The following CDH23 variants were observed in gnomAD, a reference collection of about 807,000 sequenced individuals.
CDH23 encodes cadherin related 23.
Under a neutral mutation model 317.1 loss-of-function variants are expected in CDH23, and 189 were observed. The observed-to-expected ratio is 0.60, with a 90% CI of 0.53 to 0.67. The LOEUF (loss-of-function observed/expected upper bound fraction) is 0.67, where lower values mean the gene tolerates loss of function less well. CDH23 is among the 30% of genes least tolerant of loss of function. CDH23 has a pLI of 0.00. For missense variants in CDH23, 4,401 were observed against 4,592.4 expected (o/e 0.96, Z 1.20); for synonymous variants, 1,839 against 1,876.8 (o/e 0.98, Z 0.52).
intron 37 of CDH23, among the ~76,000 whole-genome samples, chr10:71,741,253 TAA>T (rs1839724397): frequency 6.6e-6 from 1 of 152,208 alleles, no homozygotes; most frequent in Non-Finnish European, 1.5e-5. Context: ...TATTCAGCCC[TAA>T]GACTGAGCCA....
At chr10:71,713,600 A>G in intron 28 of CDH23, 1 of 382,902 alleles carries the variant, frequency 2.6e-6, no homozygotes. Context: ...CAGAGAGCCC[A>G]GAAAGCCCTG....
At chr10:71,563,172 C>A (rs1469827898) in intron 6 of CDH23, among the ~76,000 whole-genome samples, 1 of 152,152 alleles carries the variant, frequency 6.6e-6, no homozygotes, top group African/African-American at 2.4e-5. Context: ...CTGTCATGAT[C>A]CACTTGTGAG....
intron 7 of CDH23, among the ~76,000 whole-genome samples, chr10:71,567,710 C>T (rs527610471): frequency 6.6e-6 from 1 of 152,340 alleles, no homozygotes; most frequent in Middle Eastern, 3.4e-3. Context: ...TCCTGGGGAA[C>T]AGGCAAGCCA....
chr10:71,507,930 G>A (rs1853737136), intron 3 of CDH23, among the ~76,000 whole-genome samples: 1 of 152,168 alleles, frequency 6.6e-6, no homozygotes. Context: ...TTGTGCTTTG[G>A]GCAACTTGCC....
chr10:71,425,232 G>GGAGA lies in CDH23; in HGVS notation c.-5-14561_-5-14558dup, dbSNP rs748338206. On this transcript the variant is annotated intron_variant, in intron 1 of 69. Coordinates refer to ENST00000224721, the MANE Select transcript of CDH23 (RefSeq NM_022124.6). The stretch of plus-strand genomic sequence containing the variant: ...ATCACAGTGGGGCAGAGAGAGAGAG[G>GGAGA]GAGAGAGAGAGAGAGAGAGAGAGAG... 1.9e-3 allele frequency among the ~76,000 whole-genome samples: 138 copies of GGAGA among 73,958 alleles called. 1 individual carries two copies. Among genetic ancestry groups the GGAGA allele is most frequent in the East Asian group, 0.013 (31 of 2,298 alleles). 48.5% of individuals were successfully genotyped at this position (73,958 alleles called of 152,430 possible).
chr10:71,449,296 G>A (rs1850319623), intron 3 of CDH23, among the ~76,000 whole-genome samples: 1 of 152,186 alleles, frequency 6.6e-6, no homozygotes, highest in Non-Finnish European at 1.5e-5. Context: ...AGAGGTTGGA[G>A]TTGTAAGCAG....
At chr10:71,445,878 T>G (rs12766003) in intron 2 of CDH23, among the ~76,000 whole-genome samples, 69,778 of 146,794 alleles carry the variant, frequency 0.48, 18,305 homozygotes, top group Non-Finnish European at 0.59. Context: ...AATCGGCAAA[T>G]TAAAAAGAAA....
chr10:71,677,791 G>T, intron 16 of CDH23, 98 bp downstream of exon 16: 3 of 1,015,646 alleles, frequency 3.0e-6, no homozygotes, highest in Non-Finnish European at 4.4e-6. Context: ...TTATGAGACA[G>T]GTCTCACTCT....
chr10:71,491,091 G>A (rs960650877), intron 3 of CDH23, among the ~76,000 whole-genome samples: 13 of 152,330 alleles, frequency 8.5e-5, no homozygotes, highest in Middle Eastern at 3.4e-3. Context: ...CCAGGTAGCC[G>A]TGCACCAAAT....
intron 40 of CDH23, among the ~76,000 whole-genome samples, chr10:71,778,727 T>C (rs1324111570): frequency 1.3e-5 from 2 of 152,180 alleles, no homozygotes; most frequent in East Asian, 1.9e-4. Flanking sequence ...ACAACCACAG[T>C]GCAGCAACAA....
At chr10:71,415,993 CAAT>C (rs1348541048) in intron 1 of CDH23, among the ~76,000 whole-genome samples, 2 of 152,132 alleles carry the variant, frequency 1.3e-5, no homozygotes, top group Non-Finnish European at 2.9e-5. Context: ...TCAATTTTAT[CAAT>C]GAGGTTAAAT....
chr10:71,505,661 G>A (rs775097145), intron 3 of CDH23, among the ~76,000 whole-genome samples: 95 of 152,154 alleles, frequency 6.2e-4, no homozygotes, highest in Admixed American at 5.1e-3. Flanking sequence ...TACCAATAGC[G>A]TCTGCTGCGG....
intron 11 of CDH23, among the ~76,000 whole-genome samples, chr10:71,632,524 G>A (rs1862062025): frequency 6.6e-6 from 1 of 152,156 alleles, no homozygotes; most frequent in African/African-American, 2.4e-5. Flanking sequence ...GGTCAGGACT[G>A]CTTAGATGTG....
chr10:71,734,517 GGAT>G, intron 33 of CDH23, 136 bp from the exon 34 acceptor site: 1 of 1,595,720 alleles, frequency 6.3e-7, no homozygotes, highest in Admixed American at 1.7e-5. Flanking sequence ...GGTTGGGCTA[GGAT>G]GAGACCTCAG....
intron 6 of CDH23, among the ~76,000 whole-genome samples, chr10:71,548,403 C>G (rs951163366): frequency 6.6e-6 from 1 of 152,126 alleles, no homozygotes; most frequent in Non-Finnish European, 1.5e-5. Context: ...GCTGCCTCCA[C>G]CGAATACGTC....
intron 38 of CDH23, among the ~76,000 whole-genome samples, chr10:71,766,550 C>T (rs954910948): frequency 7.2e-5 from 11 of 152,216 alleles, no homozygotes; most frequent in South Asian, 4.1e-4. Context: ...TCTGAGCCTC[C>T]GTTTCTTCAT....
intron 4 of CDH23, 77 bp from the exon 5 acceptor site, chr10:71,510,877 C>T: frequency 1.4e-6 from 2 of 1,431,422 alleles, no homozygotes; most frequent in Non-Finnish European, 2.0e-6. Flanking sequence ...GGAGCCCCTC[C>T]CGCCCCATTT....
intron 11 of CDH23, among the ~76,000 whole-genome samples, chr10:71,639,345 C>G (rs533533982): frequency 3.9e-5 from 6 of 152,152 alleles, no homozygotes; most frequent in African/African-American, 1.2e-4. Context: ...AGTCCCCCAG[C>G]CCCCTGTGGG....
At chr10:71,608,198 G>A (rs1860643205) in intron 9 of CDH23, among the ~76,000 whole-genome samples, 1 of 152,182 alleles carries the variant, frequency 6.6e-6, no homozygotes, top group African/African-American at 2.4e-5. Context: ...GTCTTCACCA[G>A]GGTGTTGACG....
Sources: gnomAD v4.1 joint callset for allele counts (sites outside exome capture counted in the v4.1 genomes callset) on GRCh38, gnomAD v4.1.1 for gene constraint, MANE v1.5 for transcripts, NCBI Gene and HGNC (gene_info 2026-07-23, HGNC 2026-07-21) for gene names.